The following WWOX variants were observed in gnomAD, a reference collection of about 807,000 sequenced individuals.
The protein encoded by WWOX is WW domain-containing oxidoreductase.
WWOX carries 69 observed loss-of-function variants against 46.2 expected under a neutral mutation model. That is an observed-to-expected ratio of 1.49 (90% CI 1.23 to 1.82). WWOX has a LOEUF of 1.82. Ranked by LOEUF, WWOX falls within the 40% of genes most tolerant of loss-of-function variation. The pLI is 0.00. For synonymous variants in WWOX, 359 were observed against 202.6 expected, an observed-to-expected ratio of 1.77 and a Z score of -6.56; for missense variants, 919 against 542.6, an observed-to-expected ratio of 1.69 and a Z score of -6.89.
rs1362871195 is a variant in WWOX at position 78,338,092 on chromosome 16, A to G, written c.517-48768A>G. 3.3e-5 allele frequency among the ~76,000 whole-genome samples: 4 copies of G among 121,556 alleles called. 2 individuals carry two copies. Among genetic ancestry groups the G allele is most frequent in the Non-Finnish European group, 7.9e-5 (4 of 50,796 alleles). The allele number at this position is 121,556 out of a possible 152,430, so 79.7% of individuals were successfully genotyped here. A position where few individuals can be genotyped will look rare whatever the true frequency, so the allele number is the denominator to read the frequency against. The stretch of plus-strand genomic sequence containing the variant: ...ATCAAAAGCCTTCTGGAAAGGAGAG[A>G]TGGTAACTAATTTAGGCAGTGTCTT... On this transcript the variant is annotated intron_variant, in intron 5 of 8. Transcript: ENST00000566780.
chr16:78,613,889 G>A (rs2045957667), intron 8 of WWOX, among the ~76,000 whole-genome samples: 1 of 152,196 alleles, frequency 6.6e-6, no homozygotes, highest in South Asian at 2.1e-4. Flanking sequence ...CAGCCCATAG[G>A]CCAAATCTGG....
intron 8 of WWOX, among the ~76,000 whole-genome samples, chr16:78,986,189 A>G (rs1000261674): frequency 2.0e-5 from 3 of 152,182 alleles, no homozygotes; most frequent in African/African-American, 7.2e-5. Context: ...ACACATTTAT[A>G]TTTTTACATA....
At chr16:78,632,120 A>G (rs1396606153) in intron 8 of WWOX, among the ~76,000 whole-genome samples, 1 of 152,194 alleles carries the variant, frequency 6.6e-6, no homozygotes, top group Non-Finnish European at 1.5e-5. Context: ...TGATAGAAAA[A>G]CACTTGAGAT....
intron 5 of WWOX, among the ~76,000 whole-genome samples, chr16:78,268,122 T>C (rs1418977220): frequency 6.6e-6 from 1 of 152,214 alleles, no homozygotes; most frequent in Non-Finnish European, 1.5e-5. Flanking sequence ...TCTGGCTTGC[T>C]CCACGATTTT....
At chr16:78,917,679 A>G (rs893253310) in intron 8 of WWOX, among the ~76,000 whole-genome samples, 1 of 151,938 alleles carries the variant, frequency 6.6e-6, no homozygotes, top group Admixed American at 6.6e-5. Context: ...GCTTTCCTAC[A>G]TGGCTGTGAC....
At chr16:79,172,098 C>T (rs2050710674) in intron 8 of WWOX, among the ~76,000 whole-genome samples, 2 of 152,168 alleles carry the variant, frequency 1.3e-5, no homozygotes. Flanking sequence ...TCCTCTGTCA[C>T]CATGTAGCAG....
intron 4 of WWOX, among the ~76,000 whole-genome samples, chr16:78,136,134 A>T (rs567257226): frequency 6.6e-6 from 1 of 152,198 alleles, no homozygotes; most frequent in Non-Finnish European, 1.5e-5. Context: ...AACTTTATCA[A>T]CCTTGGCTGA....
At chr16:78,934,899 A>C (rs2045704000) in intron 8 of WWOX, among the ~76,000 whole-genome samples, 3 of 152,180 alleles carry the variant, frequency 2.0e-5, no homozygotes, top group Non-Finnish European at 4.4e-5. Flanking sequence ...CAGGAGTTTG[A>C]GACCAGCCTG....
intron 8 of WWOX, among the ~76,000 whole-genome samples, chr16:78,532,335 T>C (rs974236699): frequency 6.6e-6 from 1 of 152,164 alleles, no homozygotes; most frequent in East Asian, 1.9e-4. Context: ...TCTCTCTGTC[T>C]CTTACTTGCT....
chr16:78,847,947 C>A (rs58908863), intron 8 of WWOX, among the ~76,000 whole-genome samples: 1 of 152,064 alleles, frequency 6.6e-6, no homozygotes, highest in African/African-American at 2.4e-5. Flanking sequence ...ACGAACAACC[C>A]TGAGCTGACC....
At chr16:78,567,552 C>CA (rs71272440) in intron 8 of WWOX, among the ~76,000 whole-genome samples, 17,746 of 51,782 alleles carry the variant, frequency 0.34, 3,436 homozygotes, top group African/African-American at 0.45. Flanking sequence ...GACTCCGTCT[C>CA]AAAAAAAAAA....
chr16:78,099,942 C>T (rs986212518), intron 1 of WWOX, 57 bp downstream of exon 1: 1 of 1,534,538 alleles, frequency 6.5e-7, no homozygotes, highest in Admixed American at 2.1e-5. Context: ...AGCCCACGGA[C>T]GCCACCTGCG....
rs1417318330 is a variant in WWOX, at chr16:78,350,984, G to GC, written c.517-35876_517-35875insC. Among the ~76,000 whole-genome samples, 8 of 151,766 alleles carry GC rather than the reference G, an allele frequency of 5.3e-5. 1 individual carries two copies. The highest frequency in any genetic ancestry group is 1.2e-4 in the Non-Finnish European group (8 of 67,852). ...CGCTGTCATTTTTCTTTTTAGTCTTGTCATTTTATTGGGTATGAAGCGGTA... is the reference window on the plus strand; with the variant it reads ...CGCTGTCATTTTTCTTTTTAGTCTTGCTCATTTTATTGGGTATGAAGCGGTA... On this transcript the variant is annotated intron_variant, in intron 5 of 8. Transcript: ENST00000566780.
intron 8 of WWOX, among the ~76,000 whole-genome samples, chr16:78,931,705 T>C (rs961090886): frequency 4.6e-5 from 7 of 152,208 alleles, no homozygotes; most frequent in Non-Finnish European, 1.0e-4. Flanking sequence ...TTTAGTATTT[T>C]CCAACTGTTC....
chr16:78,915,860 G>A lies in WWOX; in HGVS notation c.1057-295748G>A, dbSNP rs187084058. Among the ~76,000 whole-genome samples, 444 of 152,264 alleles carry A rather than the reference G, an allele frequency of 2.9e-3. 1 individual carries two copies. Among genetic ancestry groups the A allele is most frequent in the Middle Eastern group, 6.8e-3 (2 of 294 alleles). On this transcript the variant is annotated intron_variant, in intron 8 of 8. Transcript: ENST00000566780. ...TCTTGATCACCACAGCTTTATAACA[G>A]GAAGAACGCTCAAAGAAGAAAAATA...
At chr16:78,670,215 T>C (rs912158216) in intron 8 of WWOX, among the ~76,000 whole-genome samples, 6 of 152,162 alleles carry the variant, frequency 3.9e-5, no homozygotes, top group East Asian at 1.9e-4. Context: ...AGCTGGAGTT[T>C]AGGAAGGCCA....
intron 8 of WWOX, among the ~76,000 whole-genome samples, chr16:78,732,779 T>C (rs1432942092): frequency 6.6e-6 from 1 of 152,136 alleles, no homozygotes; most frequent in East Asian, 1.9e-4. Flanking sequence ...ATCTGGACTG[T>C]TTTCTTATGG....
rs1480338738 is a variant in WWOX, at chr16:79,104,048, G to GA, written c.1057-107560_1057-107559insA. ...GTGGTGCCCTTTTTTGGGGGGGGGG[G>GA]GGCGGGTGGTGGGGGTACTTACTAA... On this transcript the variant is annotated intron_variant, in intron 8 of 8. Transcript: ENST00000566780. Among the ~76,000 whole-genome samples, 13 of 102,016 alleles carry GA rather than the reference G, an allele frequency of 1.3e-4. 1 individual carries two copies. Among genetic ancestry groups the GA allele is most frequent in the Admixed American group, 3.1e-4 (3 of 9,720 alleles). The allele number at this position is 102,016 out of a possible 152,430, so 66.9% of individuals were successfully genotyped here. A position where few individuals can be genotyped will look rare whatever the true frequency, so the allele number is the denominator to read the frequency against.
chr16:78,670,071 A>C (rs946636695), intron 8 of WWOX, among the ~76,000 whole-genome samples: 1 of 152,012 alleles, frequency 6.6e-6, no homozygotes, highest in East Asian at 1.9e-4. Flanking sequence ...AGAATTTTAA[A>C]TTCCTGTTCC....
Sources: gnomAD v4.1 joint callset for allele counts (sites outside exome capture counted in the v4.1 genomes callset) on GRCh38, gnomAD v4.1.1 for gene constraint, MANE v1.5 for transcripts, NCBI Gene and HGNC (gene_info 2026-07-23, HGNC 2026-07-21) for gene names.